LINGO2: variants seen among roughly 807,000 people sequenced by gnomAD.
LINGO2 encodes leucine rich repeat and Ig domain containing 2, also known as leucine-rich repeat and immunoglobulin-like domain-containing nogo receptor-interacting protein 2.
Under a neutral mutation model 30.6 loss-of-function variants are expected in LINGO2, and 14 were observed. The ratio of observed to expected loss-of-function variants is 0.46; its 90% CI spans 0.30 to 0.72. The LOEUF is 0.72. LINGO2 is among the 30% of genes least tolerant of loss of function. LINGO2 has a pLI of 0.07. For synonymous variants in LINGO2, 317 were observed against 288.5 expected, an observed-to-expected ratio of 1.10 and a Z score of -1.00; for missense variants, 729 against 751.7, an observed-to-expected ratio of 0.97 and a Z score of 0.35.
At chr9:29,130,256 C>T in the LINGO2 span, among the ~76,000 whole-genome samples, 7 of 152,198 alleles carry the variant, frequency 4.6e-5, no homozygotes, top group Non-Finnish European at 1.0e-4. Flanking sequence ...CCTATCAGAA[C>T]AAAGGCAGCT....
chr9:28,131,035 C>CA (rs1477735643), intron 4 of LINGO2, among the ~76,000 whole-genome samples: 2 of 152,130 alleles, frequency 1.3e-5, no homozygotes, highest in Admixed American at 6.5e-5. Context: ...ACCATGCTCC[C>CA]AGCCTCCCTC....
the LINGO2 span, among the ~76,000 whole-genome samples, chr9:29,017,614 C>T: frequency 1.3e-5 from 2 of 152,028 alleles, no homozygotes; most frequent in African/African-American, 4.8e-5. Context: ...ATTTAAGAAA[C>T]CACGTTGGCA....
chr9:28,157,677 C>T (rs887323116), intron 4 of LINGO2, among the ~76,000 whole-genome samples: 2 of 152,150 alleles, frequency 1.3e-5, no homozygotes, highest in Non-Finnish European at 2.9e-5. Flanking sequence ...AACTGACTGA[C>T]TTTAACAGCA....
the LINGO2 span, among the ~76,000 whole-genome samples, chr9:29,085,281 T>TAAAAAAAAAAAAAAAAAAAAA: frequency 1.3e-5 from 1 of 77,056 alleles, no homozygotes; most frequent in African/African-American, 4.4e-5. Context: ...CTATGGTAAG[T>TAAAAAAAAAAAAAAAAAAAAA]AAAAAAAAAA....
chr9:28,549,996 T>C (rs1023715434), intron 1 of LINGO2, among the ~76,000 whole-genome samples: 4 of 151,928 alleles, frequency 2.6e-5, no homozygotes, highest in African/African-American at 9.6e-5. Flanking sequence ...ATTAGAATTA[T>C]TTACTTGAAT....
the LINGO2 span, among the ~76,000 whole-genome samples, chr9:29,077,412 A>G: frequency 3.9e-5 from 6 of 152,066 alleles, no homozygotes; most frequent in Non-Finnish European, 7.4e-5. Flanking sequence ...ATTCATGTCA[A>G]TATGACACAG....
the LINGO2 span, among the ~76,000 whole-genome samples, chr9:28,747,422 C>T: frequency 6.6e-6 from 1 of 152,016 alleles, no homozygotes; most frequent in Non-Finnish European, 1.5e-5. Flanking sequence ...CGGATTCTTC[C>T]TGGACGTTGG....
chr9:28,960,347 A>G, the LINGO2 span, among the ~76,000 whole-genome samples: 1 of 151,910 alleles, frequency 6.6e-6, no homozygotes, highest in East Asian at 2.0e-4. Flanking sequence ...AAAACACAAA[A>G]GAATTAGCCA....
chr9:28,043,696 T>G (rs1824293169), intron 4 of LINGO2, among the ~76,000 whole-genome samples: 1 of 152,142 alleles, frequency 6.6e-6, no homozygotes, highest in Non-Finnish European at 1.5e-5. Flanking sequence ...CAATGATCAA[T>G]TTTGTTTCAT....
chr9:28,101,844 G>A (rs1313047890), intron 4 of LINGO2, among the ~76,000 whole-genome samples: 1 of 152,172 alleles, frequency 6.6e-6, no homozygotes, highest in Non-Finnish European at 1.5e-5. Flanking sequence ...GGAAGAGAAA[G>A]AGTTTATGAA....
chr9:27,971,286 C>T (rs1820340838), intron 5 of LINGO2, among the ~76,000 whole-genome samples: 1 of 151,624 alleles, frequency 6.6e-6, no homozygotes, highest in Admixed American at 6.6e-5. Flanking sequence ...GCCCTCTTCC[C>T]TTCCCCATCT....
chr9:28,903,865 C>T, the LINGO2 span, among the ~76,000 whole-genome samples: 1 of 151,880 alleles, frequency 6.6e-6, no homozygotes, highest in Non-Finnish European at 1.5e-5. Context: ...CAAAATTCAT[C>T]CAATGGGGCC....
intron 4 of LINGO2, among the ~76,000 whole-genome samples, chr9:28,043,785 C>T (rs1587754843): frequency 6.6e-6 from 1 of 152,154 alleles, no homozygotes; most frequent in Non-Finnish European, 1.5e-5. Flanking sequence ...ATTTCATCTA[C>T]AATGATTTTG....
chr9:28,287,128 C>T (rs956463635), intron 4 of LINGO2, among the ~76,000 whole-genome samples: 10 of 152,154 alleles, frequency 6.6e-5, no homozygotes, highest in African/African-American at 2.2e-4. Context: ...TATCACACTT[C>T]CCCAAGTCTG....
intron 4 of LINGO2, among the ~76,000 whole-genome samples, chr9:28,051,625 T>TA (rs1355090125): frequency 6.6e-6 from 1 of 152,080 alleles, no homozygotes; most frequent in Non-Finnish European, 1.5e-5. Context: ...ATCTTCACAA[T>TA]AACCTAAAAG....
At chr9:28,848,287 GCA>G in the LINGO2 span, among the ~76,000 whole-genome samples, 3 of 77,812 alleles carry the variant, frequency 3.9e-5, no homozygotes, top group African/African-American at 1.5e-4. Flanking sequence ...TATACACTAT[GCA>G]TATATATATA....
chr9:28,045,084 G>A lies in LINGO2; in HGVS notation c.-86-32679C>T, dbSNP rs1824355993. Among the ~76,000 whole-genome samples the A allele has an allele frequency of 5.9e-5, 9 of 151,760 alleles. No individual in the cohort carries two copies. In the South Asian group the frequency reaches 1.9e-3, roughly 32 times the overall value. On this transcript the variant is annotated intron_variant, in intron 4 of 5. Coordinates refer to ENST00000379992, the Ensembl canonical transcript of LINGO2. ...CCAGTAGAAGTCAGGCAATATAATA[G>A]AAGAGGAAAAAATTGAGACTTTTTC...
Position 28,133,808 on chromosome 9 carries a change from C to A in LINGO2, c.-86-121403G>T, listed in dbSNP as rs1019949653. Among the ~76,000 whole-genome samples the A allele has an allele frequency of 3.3e-5, 5 of 152,210 alleles. No homozygotes were observed. In the East Asian group the frequency reaches 9.7e-4, roughly 29 times the overall value. ...GATTTGGTCTTGGGATCTTTATTTTCATTAAACTCTCTCCAAATCTGATTT... is the reference window on the plus strand; with the variant it reads ...GATTTGGTCTTGGGATCTTTATTTTAATTAAACTCTCTCCAAATCTGATTT... On this transcript the variant is annotated intron_variant, in intron 4 of 5. Coordinates refer to ENST00000379992, the Ensembl canonical transcript of LINGO2.
At chr9:28,974,342 G>A in the LINGO2 span, among the ~76,000 whole-genome samples, 3 of 152,130 alleles carry the variant, frequency 2.0e-5, no homozygotes, top group African/African-American at 7.2e-5. Flanking sequence ...GTAGGTGGAG[G>A]TTGCAGTGAG....
Sources: gnomAD v4.1 joint callset for allele counts (sites outside exome capture counted in the v4.1 genomes callset) on GRCh38, gnomAD v4.1.1 for gene constraint, MANE v1.5 for transcripts, NCBI Gene and HGNC (gene_info 2026-07-23, HGNC 2026-07-21) for gene names.